The following NRXN3 variants were observed in gnomAD, a reference collection of about 807,000 sequenced individuals.
NRXN3 encodes neurexin 3, also known as neurexin III.
Under a neutral mutation model 137.6 loss-of-function variants are expected in NRXN3, and 32 were observed. That is an observed-to-expected ratio of 0.23 (90% CI 0.18 to 0.31). NRXN3 has a LOEUF of 0.31. NRXN3 is among the 10% of genes least tolerant of loss of function. NRXN3 has a pLI of 1.00. For missense variants in NRXN3, 1,574 were observed against 2,062.5 expected (o/e 0.76, Z 4.59); for synonymous variants, 798 against 784.5 (o/e 1.02, Z -0.29).
chr14:79,392,058 T>G (rs1440036459), intron 15 of NRXN3, among the ~76,000 whole-genome samples: 1 of 152,114 alleles, frequency 6.6e-6, no homozygotes, highest in African/African-American at 2.4e-5. Context: ...GTTTGTTATG[T>G]AGGTATACAT....
intron 1 of NRXN3, among the ~76,000 whole-genome samples, chr14:78,198,592 C>T (rs912033671): frequency 6.6e-6 from 1 of 152,222 alleles, no homozygotes; most frequent in Non-Finnish European, 1.5e-5. Flanking sequence ...AAAGAGGGTG[C>T]AGCCAACTCC....
At chr14:79,593,425 T>C (rs1485354298) in intron 16 of NRXN3, among the ~76,000 whole-genome samples, 1 of 151,894 alleles carries the variant, frequency 6.6e-6, no homozygotes, top group Non-Finnish European at 1.5e-5. Context: ...GGTCAGGAGA[T>C]CGAGACCATC....
chr14:79,695,925 A>G (rs1406943335), intron 18 of NRXN3, among the ~76,000 whole-genome samples: 1 of 151,992 alleles, frequency 6.6e-6, no homozygotes, highest in Admixed American at 6.6e-5. Flanking sequence ...TTTATAAAGT[A>G]TAGATCATTT....
chr14:78,451,724 G>A (rs999308448), intron 4 of NRXN3, among the ~76,000 whole-genome samples: 18 of 152,180 alleles, frequency 1.2e-4, no homozygotes, highest in Non-Finnish European at 1.6e-4. Context: ...GCGTAGGCAC[G>A]TAGAGGACAA....
At chr14:79,685,337 A>C (rs1156984208) in intron 17 of NRXN3, among the ~76,000 whole-genome samples, 1 of 152,212 alleles carries the variant, frequency 6.6e-6, no homozygotes, top group South Asian at 2.1e-4. Context: ...GGCTAAAACT[A>C]AGCATGGTTA....
intron 4 of NRXN3, among the ~76,000 whole-genome samples, chr14:78,342,751 G>C (rs2082276375): frequency 6.6e-6 from 1 of 152,088 alleles, no homozygotes; most frequent in South Asian, 2.1e-4. Context: ...CTTGCCTCTA[G>C]TACCCCTTTC....
At chr14:78,735,285 C>T (rs901411413) in intron 8 of NRXN3, among the ~76,000 whole-genome samples, 2 of 152,166 alleles carry the variant, frequency 1.3e-5, no homozygotes, top group South Asian at 2.1e-4. Flanking sequence ...ATAAAGTTTG[C>T]AAACATCTCA....
chr14:78,996,106 C>T (rs1269194691), intron 15 of NRXN3, among the ~76,000 whole-genome samples: 2 of 152,172 alleles, frequency 1.3e-5, no homozygotes, highest in African/African-American at 2.4e-5. Context: ...TTTTTTTCCC[C>T]TAACTTTTGC....
At chr14:79,638,661 C>T (rs2098417782) in intron 16 of NRXN3, among the ~76,000 whole-genome samples, 1 of 152,148 alleles carries the variant, frequency 6.6e-6, no homozygotes, top group Non-Finnish European at 1.5e-5. Context: ...CAGTCAGTAT[C>T]ACCATCTAGG....
intron 15 of NRXN3, among the ~76,000 whole-genome samples, chr14:79,180,078 A>G (rs2062758733): frequency 6.6e-6 from 1 of 152,222 alleles, no homozygotes; most frequent in Non-Finnish European, 1.5e-5. Flanking sequence ...GCCCCAGACC[A>G]CAATCATAAA....
chr14:79,544,357 A>G (rs1486743504), intron 16 of NRXN3, among the ~76,000 whole-genome samples: 8 of 152,236 alleles, frequency 5.3e-5, no homozygotes, highest in Admixed American at 2.0e-4. Flanking sequence ...TAGAGGAAAA[A>G]TGCCACGATA....
At chr14:79,280,079 A>C in intron 15 of NRXN3, 2 of 1,378,200 alleles carry the variant, frequency 1.5e-6, no homozygotes, top group Non-Finnish European at 9.3e-7. Context: ...GGGAAAGAGA[A>C]GGGGCTTTTT....
intron 20 of NRXN3, among the ~76,000 whole-genome samples, chr14:79,859,044 AATCTGCACAGATC>A (rs1176262229): frequency 6.6e-6 from 1 of 151,950 alleles, no homozygotes; most frequent in Non-Finnish European, 1.5e-5. Context: ...ATCTTTGGCA[AATCTGCACAGATC>A]ATTTTGCTCA....
At chr14:78,855,300 G>A (rs780136629) in intron 10 of NRXN3, among the ~76,000 whole-genome samples, 2 of 152,132 alleles carry the variant, frequency 1.3e-5, no homozygotes, top group African/African-American at 2.4e-5. Flanking sequence ...AAATGTTTAT[G>A]ACATTATTAC....
chr14:78,282,403 A>T (rs1052908338), intron 3 of NRXN3: 3 of 312,992 alleles, frequency 9.6e-6, no homozygotes, highest in African/African-American at 4.3e-5. Context: ...TCCTGCCTGG[A>T]GGGGCTGTTT....
chr14:79,654,827 G>A (rs892168770), intron 16 of NRXN3, among the ~76,000 whole-genome samples: 15 of 152,078 alleles, frequency 9.9e-5, no homozygotes, highest in African/African-American at 3.1e-4. Context: ...AGAGTTCTTG[G>A]TTGGTGTTTA....
intron 19 of NRXN3, chr14:79,760,584 C>T (rs1407215729): frequency 6.6e-6 from 1 of 151,132 alleles, no homozygotes. Context: ...AAATTTTTCA[C>T]AAACAGCAAG....
chr14:78,403,906 GAA>G, intron 4 of NRXN3: 1 of 978,208 alleles, frequency 1.0e-6, no homozygotes, highest in Non-Finnish European at 1.2e-6. Flanking sequence ...CCTTTAAAAA[GAA>G]AAGATATGTG....
chr14:78,891,067 G>A (rs2099157512), intron 10 of NRXN3, among the ~76,000 whole-genome samples: 1 of 151,928 alleles, frequency 6.6e-6, no homozygotes, highest in African/African-American at 2.4e-5. Context: ...GTCTGGCTTA[G>A]TTGGTGGTGA....
Sources: allele counts gnomAD v4.1 joint callset (sites outside exome capture counted in the v4.1 genomes callset), GRCh38; gene constraint gnomAD v4.1.1; transcripts MANE v1.5; gene names NCBI Gene and HGNC (gene_info 2026-07-23, HGNC 2026-07-21).